THSD7B: variants seen among roughly 807,000 people sequenced by gnomAD.
THSD7B encodes the protein thrombospondin type-1 domain-containing protein 7B.
Under a neutral mutation model 213.6 loss-of-function variants are expected in THSD7B, and 138 were observed. The ratio of observed to expected loss-of-function variants is 0.65; its 90% CI spans 0.56 to 0.74. THSD7B has a LOEUF of 0.74. Ranked by LOEUF, THSD7B falls within the 30% of genes least tolerant of loss-of-function variation. THSD7B has a pLI of 0.00. For missense variants in THSD7B, 1,931 were observed against 1,991.5 expected (o/e 0.97, Z 0.58); for synonymous variants, 742 against 687.0 (o/e 1.08, Z -1.25).
chr2:137,230,654 C>T (rs911722117), intron 7 of THSD7B, among the ~76,000 whole-genome samples: 13 of 152,038 alleles, frequency 8.6e-5, no homozygotes, highest in Non-Finnish European at 1.6e-4. Flanking sequence ...TATAAAATTC[C>T]TTTTAATTTA....
chr2:137,144,267 C>T lies in THSD7B; in HGVS notation c.1370-15946C>T, dbSNP rs963846223. ...TGACCTGTACAACCCTATTAAGACCCAGTATATTTGAATTTTAAGGCCATT... is the reference window on the plus strand; with the variant it reads ...TGACCTGTACAACCCTATTAAGACCTAGTATATTTGAATTTTAAGGCCATT... On this transcript the variant is annotated intron_variant, in intron 5 of 27. Coordinates refer to ENST00000409968, the MANE Select transcript of THSD7B (RefSeq NM_001316349.2). 2.0e-5 allele frequency among the ~76,000 whole-genome samples: 3 copies of T among 152,026 alleles called. No homozygotes were observed. The South Asian group carries it at 6.2e-4, about 32-fold the overall frequency.
chr2:137,084,536 G>A (rs4954370), intron 3 of THSD7B, among the ~76,000 whole-genome samples: 1 of 152,008 alleles, frequency 6.6e-6, no homozygotes, highest in Non-Finnish European at 1.5e-5. Flanking sequence ...CTTCTTTGCA[G>A]TATATTTGAG....
At chr2:136,938,106 G>A (rs11885571) in intron 2 of THSD7B, among the ~76,000 whole-genome samples, 11,273 of 152,204 alleles carry the variant, frequency 0.074, 675 homozygotes, top group African/African-American at 0.16. Flanking sequence ...CTTGGGCTGT[G>A]CTTTGGAATT....
intron 15 of THSD7B, among the ~76,000 whole-genome samples, chr2:137,475,764 A>C (rs1268440799): frequency 6.6e-6 from 1 of 152,170 alleles, no homozygotes; most frequent in East Asian, 1.9e-4. Context: ...ATTGTGAATA[A>C]TGCTGCAATA....
At chr2:136,769,030 C>T (rs1681458749) in intron 1 of THSD7B, among the ~76,000 whole-genome samples, 2 of 152,280 alleles carry the variant, frequency 1.3e-5, no homozygotes, top group Middle Eastern at 3.4e-3. Flanking sequence ...GATCTAAAAT[C>T]ACAGGCACCT....
At chr2:137,645,097 A>G (rs1472225043) in intron 21 of THSD7B, among the ~76,000 whole-genome samples, 1 of 152,172 alleles carries the variant, frequency 6.6e-6, no homozygotes, top group Non-Finnish European at 1.5e-5. Flanking sequence ...GGCCAAGTCT[A>G]TAAACTCTCC....
At chr2:137,312,363 C>G (rs921788074) in intron 12 of THSD7B, among the ~76,000 whole-genome samples, 5 of 151,002 alleles carry the variant, frequency 3.3e-5, no homozygotes, top group Non-Finnish European at 5.9e-5. Flanking sequence ...TCCCCTTTAT[C>G]ATTTTTTATT....
At chr2:137,217,503 G>A (rs746664) in intron 7 of THSD7B, among the ~76,000 whole-genome samples, 90,710 of 151,866 alleles carry the variant, frequency 0.6, 27,510 homozygotes, top group South Asian at 0.71. Context: ...AAACTTAGAG[G>A]TGAAATAACT....
chr2:137,453,326 C>CTTT (rs70978223), intron 15 of THSD7B, among the ~76,000 whole-genome samples: 1,188 of 96,794 alleles, frequency 0.012, 77 homozygotes, highest in Middle Eastern at 0.037. Context: ...TTGAAATTTA[C>CTTT]TTTTTTTTTT....
intron 7 of THSD7B, among the ~76,000 whole-genome samples, chr2:137,220,753 C>T (rs115765923): frequency 1.5e-3 from 227 of 151,446 alleles, no homozygotes; most frequent in African/African-American, 5.4e-3. Context: ...TGCACAATCG[C>T]CAAAACCTGG....
At chr2:137,489,090 A>G (rs1688543519) in intron 15 of THSD7B, among the ~76,000 whole-genome samples, 1 of 152,198 alleles carries the variant, frequency 6.6e-6, no homozygotes, top group African/African-American at 2.4e-5. Flanking sequence ...ACAAATAGAA[A>G]TGACATAGCA....
intron 2 of THSD7B, among the ~76,000 whole-genome samples, chr2:137,013,081 A>G (rs912610732): frequency 6.6e-6 from 1 of 152,228 alleles, no homozygotes; most frequent in African/African-American, 2.4e-5. Flanking sequence ...TTTGAAAAAT[A>G]CATAAATCAA....
chr2:137,416,636 T>G (rs575727194), intron 14 of THSD7B, among the ~76,000 whole-genome samples: 6 of 152,162 alleles, frequency 3.9e-5, no homozygotes. Flanking sequence ...AAAGGATAGT[T>G]TAGATAAGAG....
chr2:137,562,829 G>A (rs1272364944), intron 15 of THSD7B, among the ~76,000 whole-genome samples: 1 of 152,022 alleles, frequency 6.6e-6, no homozygotes, highest in African/African-American at 2.4e-5. Context: ...CCTTATATAT[G>A]TTTGTTTCAA....
chr2:136,940,727 A>AT (rs1553459490), intron 2 of THSD7B, among the ~76,000 whole-genome samples: 68 of 48,010 alleles, frequency 1.4e-3, no homozygotes, highest in Admixed American at 3.1e-3. Flanking sequence ...ATATATATAT[A>AT]ATATATATAT....
intron 17 of THSD7B, among the ~76,000 whole-genome samples, chr2:137,597,744 G>GC (rs1681990366): frequency 6.6e-6 from 1 of 152,088 alleles, no homozygotes; most frequent in Non-Finnish European, 1.5e-5. Context: ...AAAGGGCAAT[G>GC]CCCTGTGCAC....
rs151179449 is a variant in THSD7B, at chr2:137,429,717, T to G, written c.2959+17845T>G. On this transcript the variant is annotated intron_variant, in intron 14 of 27. Coordinates refer to ENST00000409968, the MANE Select transcript of THSD7B (RefSeq NM_001316349.2). The stretch of plus-strand genomic sequence containing the variant: ...GTTTTGAAGAATGAGAGTGCATTGT[T>G]GTTTGGCAATATTGACTAGTGCTGT... 4.0e-3 allele frequency among the ~76,000 whole-genome samples: 613 copies of G among 152,274 alleles called. 4 individuals are homozygous for G. The highest frequency in any genetic ancestry group is 0.014 in the African/African-American group (579 of 41,560).
intron 7 of THSD7B, among the ~76,000 whole-genome samples, chr2:137,171,774 G>A (rs908534285): frequency 6.6e-6 from 1 of 152,270 alleles, no homozygotes; most frequent in Non-Finnish European, 1.5e-5. Context: ...AGAGCACACA[G>A]GGTTGATATA....
In THSD7B at chr2:137,196,482, A is replaced by G. The variant is rs528239291; in HGVS notation, c.1723+25544A>G. Among the ~76,000 whole-genome samples the G allele has an allele frequency of 3.2e-5, 4 of 126,892 alleles. No homozygotes were observed. In the South Asian group the frequency reaches 1.0e-3, roughly 33 times the overall value. 83.2% of individuals were successfully genotyped at this position (126,892 alleles called of 152,430 possible). On this transcript the variant is annotated intron_variant, in intron 7 of 27. Coordinates refer to ENST00000409968, the MANE Select transcript of THSD7B (RefSeq NM_001316349.2). ...TTAGTTACCCTAAACTTTTAACATT[A>G]TTTTTTCACTGTATTAATGGCATGT... is the stretch of plus-strand genomic sequence containing the variant.
Sources: gnomAD v4.1 joint callset for allele counts (sites outside exome capture counted in the v4.1 genomes callset) on GRCh38, gnomAD v4.1.1 for gene constraint, MANE v1.5 for transcripts, NCBI Gene and HGNC (gene_info 2026-07-23, HGNC 2026-07-21) for gene names.